Variants in CLEC16A observed in about 807,000 individuals in gnomAD.
The protein encoded by CLEC16A is protein CLEC16A.
In CLEC16A, 51 loss-of-function variants were observed where a neutral mutation model predicts 109.5. That is an observed-to-expected ratio of 0.47 (90% CI 0.37 to 0.59). CLEC16A has a LOEUF of 0.59. Ranked by LOEUF, CLEC16A falls within the 20% of genes least tolerant of loss-of-function variation. The pLI is 0.00. For missense variants in CLEC16A, 1,339 were observed against 1,394.0 expected (o/e 0.96, Z 0.63); for synonymous variants, 673 against 564.2 (o/e 1.19, Z -2.73).
rs1485718920 is a variant in CLEC16A, at chr16:11,051,420, G to A, written c.1867-93G>A. 9 of 1,318,228 alleles carry A rather than the reference G, an allele frequency of 6.8e-6. No individual in the cohort carries two copies. The East Asian group carries it at 9.4e-5, about 14-fold the overall frequency. The allele number at this position is 1,318,228 out of a possible 1,614,324, so 81.7% of individuals were successfully genotyped here. A position where few individuals can be genotyped will look rare whatever the true frequency, so the allele number is the denominator to read the frequency against. On this transcript the variant is annotated intron_variant, in intron 17 of 23. Transcript: ENST00000409790. ...CACTCATTTACATTTACTAAATGCG[G>A]TTGAAGGCGAGGGGCCTGTGCAACC... is the stretch of plus-strand genomic sequence containing the variant.
chr16:11,022,089 A>G (rs547343176), intron 12 of CLEC16A, among the ~76,000 whole-genome samples: 1 of 152,284 alleles, frequency 6.6e-6, no homozygotes, highest in South Asian at 2.1e-4. Flanking sequence ...GGCATCTTGA[A>G]GCACATGGCT....
rs1432235650 is a variant in CLEC16A, at chr16:11,102,333, TA to T, written c.2117-18277del. Among the ~76,000 whole-genome samples the T allele has an allele frequency of 1.1e-4, 17 of 152,330 alleles. No homozygotes were observed. The East Asian group carries it at 3.3e-3, about 29-fold the overall frequency. On this transcript the variant is annotated intron_variant, in intron 19 of 23. Coordinates refer to ENST00000409790, the MANE Select transcript of CLEC16A (RefSeq NM_015226.3). ...AGTAATCAGTTTGAACACAAAAGAT[TA>T]AAAACGTAAAGCAGGGAATTTGGTT...
chr16:11,145,646 G>C (rs1394322650), intron 22 of CLEC16A, among the ~76,000 whole-genome samples: 1 of 152,272 alleles, frequency 6.6e-6, no homozygotes, highest in Non-Finnish European at 1.5e-5. Flanking sequence ...GGGTGGGGCT[G>C]TGCCCCCATC....
chr16:10,977,157 C>A, intron 7 of CLEC16A, 68 bp from the exon 8 acceptor site: 4 of 1,429,590 alleles, frequency 2.8e-6, no homozygotes, highest in Admixed American at 1.8e-5. Context: ...AAGTCTCAGG[C>A]CATTGATGTT....
intron 5 of CLEC16A, among the ~76,000 whole-genome samples, chr16:10,972,279 G>A (rs939132201): frequency 6.6e-6 from 1 of 152,230 alleles, no homozygotes; most frequent in African/African-American, 2.4e-5. Context: ...TTGGGGTCAA[G>A]GCCCGTGCTC....
At chr16:11,020,893 A>G (rs1567205344) in intron 12 of CLEC16A, among the ~76,000 whole-genome samples, 1 of 152,226 alleles carries the variant, frequency 6.6e-6, no homozygotes, top group South Asian at 2.1e-4. Context: ...CCATAGCACC[A>G]GCCCCTCCAC....
chr16:11,022,179 T>C (rs536022291), intron 12 of CLEC16A, among the ~76,000 whole-genome samples: 1 of 152,100 alleles, frequency 6.6e-6, no homozygotes, highest in Non-Finnish European at 1.5e-5. Flanking sequence ...TCTGCTAGAC[T>C]GTGAGACTGA....
chr16:11,052,935 C>A (rs1597217137), intron 18 of CLEC16A, among the ~76,000 whole-genome samples: 1 of 152,122 alleles, frequency 6.6e-6, no homozygotes, highest in Non-Finnish European at 1.5e-5. Flanking sequence ...GAGCTGTGAT[C>A]CATCCTGGAG....
At chr16:10,973,847 A>G (rs1483234552) in intron 7 of CLEC16A, among the ~76,000 whole-genome samples, 2 of 139,558 alleles carry the variant, frequency 1.4e-5, no homozygotes, top group African/African-American at 5.5e-5. Context: ...CTAGGATTAC[A>G]GGTATGAGCC....
At chr16:11,134,667 C>CT (rs1305771861) in intron 22 of CLEC16A, among the ~76,000 whole-genome samples, 2 of 152,254 alleles carry the variant, frequency 1.3e-5, no homozygotes, top group African/African-American at 4.8e-5. Context: ...AATCCGAAAT[C>CT]TGAAATGCTC....
At chr16:10,966,438 T>C (rs2042511582) in intron 3 of CLEC16A, among the ~76,000 whole-genome samples, 1 of 152,162 alleles carries the variant, frequency 6.6e-6, no homozygotes, top group Non-Finnish European at 1.5e-5. Context: ...GAGGAAGTCT[T>C]CTGGAGAGCT....
intron 19 of CLEC16A, among the ~76,000 whole-genome samples, chr16:11,098,126 A>G (rs1313006545): frequency 6.6e-6 from 1 of 152,230 alleles, no homozygotes; most frequent in African/African-American, 2.4e-5. Context: ...GTGATCCTAC[A>G]TGCAGTAGAG....
At chr16:11,060,318 T>C (rs1311330548) in intron 18 of CLEC16A, among the ~76,000 whole-genome samples, 1 of 146,896 alleles carries the variant, frequency 6.8e-6, no homozygotes, top group African/African-American at 2.7e-5. Flanking sequence ...GAGCGGGAGT[T>C]GAAGAGACTC....
intron 20 of CLEC16A, among the ~76,000 whole-genome samples, chr16:11,121,157 A>G (rs544510068): frequency 1.3e-4 from 20 of 152,356 alleles, no homozygotes; most frequent in South Asian, 2.1e-4. Flanking sequence ...AATATGTTCT[A>G]AACTTTGCTT....
rs924189292 is a variant in CLEC16A, at chr16:11,174,037, G to A, written c.2807-4298G>A. ...AAGCCCATGCTGGGCACTGCCCCAC[G>A]ACCCTCGCCCCTCGTCAGTGCTCAG... is the stretch of plus-strand genomic sequence containing the variant. On this transcript the variant is annotated intron_variant, in intron 23 of 23. Coordinates refer to ENST00000409790, the MANE Select transcript of CLEC16A (RefSeq NM_015226.3). The surrounding 1 kb of genome is among the most constrained non-coding windows in gnomAD (Gnocchi z 4.7). 7 of 377,474 alleles carry A rather than the reference G, an allele frequency of 1.9e-5. No individual in the cohort carries two copies. Among genetic ancestry groups the A allele is most frequent in the Admixed American group, 3.0e-5 (1 of 33,708 alleles). The allele number at this position is 377,474 out of a possible 1,614,324, so 23.4% of individuals were successfully genotyped here. A position where few individuals can be genotyped will look rare whatever the true frequency, so the allele number is the denominator to read the frequency against.
Position 10,954,904 on chromosome 16 carries a change from C to G in CLEC16A, c.81-2878C>G, listed in dbSNP as rs962735094. Reference sequence around the variant, plus strand: ...GTAGTAATAATGTGAATAACGGCCCCCACCACAATGACCATAATCTAATCA... The same window carrying G: ...GTAGTAATAATGTGAATAACGGCCCGCACCACAATGACCATAATCTAATCA... On this transcript the variant is annotated intron_variant, in intron 1 of 23. Transcript: ENST00000409790. This position sits in a 1 kb window ranked among gnomAD's most constrained non-coding sequence, Gnocchi z 4.2. Among the ~76,000 whole-genome samples, 1 of 152,226 alleles carries G rather than the reference C, an allele frequency of 6.6e-6. No individual in the cohort carries two copies.
chr16:11,004,045 G>A (rs528120104), intron 11 of CLEC16A, among the ~76,000 whole-genome samples: 159 of 151,428 alleles, frequency 1.0e-3, no homozygotes, highest in Non-Finnish European at 2.0e-3. Flanking sequence ...CAATTCTTAC[G>A]TTAAGGTTTT....
At chr16:10,990,489 C>A (rs76755805) in intron 10 of CLEC16A, among the ~76,000 whole-genome samples, 1 of 152,206 alleles carries the variant, frequency 6.6e-6, no homozygotes, top group Non-Finnish European at 1.5e-5. Context: ...GCCAGGGCCG[C>A]GGGTGACTGT....
intron 1 of CLEC16A, among the ~76,000 whole-genome samples, chr16:10,956,013 G>T (rs892590128): frequency 6.6e-6 from 1 of 152,134 alleles, no homozygotes; most frequent in Non-Finnish European, 1.5e-5. Flanking sequence ...AGATGCACTT[G>T]AGGCAAGATG....
Sources: allele counts gnomAD v4.1 joint callset (sites outside exome capture counted in the v4.1 genomes callset), GRCh38; gene constraint gnomAD v4.1.1; non-coding constraint Gnocchi (gnomAD v3.1); transcripts MANE v1.5; gene names NCBI Gene and HGNC (gene_info 2026-07-23, HGNC 2026-07-21).